STARD13: variants seen among roughly 807,000 people sequenced by gnomAD.
STARD13 encodes the protein stAR-related lipid transfer protein 13.
Under a neutral mutation model 106.4 loss-of-function variants are expected in STARD13, and 62 were observed. That is an observed-to-expected ratio of 0.58 (90% CI 0.48 to 0.72). STARD13 has a LOEUF of 0.72. Ranked by LOEUF, STARD13 falls within the 30% of genes least tolerant of loss-of-function variation. The probability of loss-of-function intolerance (pLI) is 0.00; values close to 1 mark genes in which losing one functional copy is unlikely to be tolerated. For synonymous variants in STARD13, 565 were observed against 553.0 expected (o/e 1.02, Z -0.31); for missense variants, 1,387 against 1,424.0 (o/e 0.97, Z 0.42).
intron 1 of STARD13, among the ~76,000 whole-genome samples, chr13:33,172,673 G>A (rs571503909): frequency 9.9e-5 from 15 of 152,242 alleles, no homozygotes; most frequent in African/African-American, 3.4e-4. Context: ...TTTGTTTTAC[G>A]TTTTTCTCAG....
At chr13:33,509,650 G>A in the STARD13 span, among the ~76,000 whole-genome samples, 1 of 152,152 alleles carries the variant, frequency 6.6e-6, no homozygotes, top group Non-Finnish European at 1.5e-5. Context: ...AGGCTGATGG[G>A]CCATGACTCC....
At chr13:33,644,602 G>A in the STARD13 span, among the ~76,000 whole-genome samples, 6 of 152,158 alleles carry the variant, frequency 3.9e-5, no homozygotes, top group Non-Finnish European at 8.8e-5. Context: ...GGCGTCATGC[G>A]GCCATGAAAG....
At chr13:33,268,099 C>G (rs1383550198) in intron 1 of STARD13, among the ~76,000 whole-genome samples, 1 of 152,204 alleles carries the variant, frequency 6.6e-6, no homozygotes, top group Admixed American at 6.5e-5. Flanking sequence ...AGATGAAGTT[C>G]ATACACTGGA....
chr13:33,490,850 G>A, the STARD13 span, among the ~76,000 whole-genome samples: 1 of 152,240 alleles, frequency 6.6e-6, no homozygotes, highest in Admixed American at 6.5e-5. Flanking sequence ...AGCTGAAAGA[G>A]CTTTGTAACA....
At chr13:33,188,119 A>G in intron 1 of STARD13, 1 of 152,166 alleles carries the variant, frequency 6.6e-6, no homozygotes. Context: ...AGGTGGGTGA[A>G]TCTGCCATGT....
At chr13:33,505,809 T>G in the STARD13 span, among the ~76,000 whole-genome samples, 1 of 152,150 alleles carries the variant, frequency 6.6e-6, no homozygotes, top group Admixed American at 6.6e-5. Context: ...CACAAATATA[T>G]TTATTTCAGT....
chr13:33,275,443 C>T (rs796185898), intron 1 of STARD13, among the ~76,000 whole-genome samples: 7 of 152,258 alleles, frequency 4.6e-5, no homozygotes, highest in African/African-American at 1.2e-4. Flanking sequence ...TATAGTCTCT[C>T]ATTTAATCCT....
the STARD13 span, among the ~76,000 whole-genome samples, chr13:33,466,502 T>A: frequency 6.6e-6 from 1 of 152,228 alleles, no homozygotes. Context: ...GATGGACGTA[T>A]AGTTCAGTAA....
At chr13:33,627,900 C>G in the STARD13 span, among the ~76,000 whole-genome samples, 1,772 of 152,122 alleles carry the variant, frequency 0.012, 38 homozygotes, top group African/African-American at 0.041. Flanking sequence ...TGGAGAAAGT[C>G]CCACCACTAT....
At chr13:33,327,248 GA>G (rs1285657051) in intron 1 of STARD13, among the ~76,000 whole-genome samples, 8 of 152,164 alleles carry the variant, frequency 5.3e-5, no homozygotes, top group Non-Finnish European at 1.0e-4. Context: ...AAGTTCTCTT[GA>G]GAGACGATAT....
At chr13:33,672,194 A>C in the STARD13 span, among the ~76,000 whole-genome samples, 1 of 152,234 alleles carries the variant, frequency 6.6e-6, no homozygotes, top group African/African-American at 2.4e-5. Context: ...CATAAAAAAG[A>C]ATGGGTTCAT....
At chr13:33,311,179 C>T (rs1893124286) in intron 1 of STARD13, among the ~76,000 whole-genome samples, 2 of 151,110 alleles carry the variant, frequency 1.3e-5, no homozygotes, top group South Asian at 4.2e-4. Flanking sequence ...CACCTGTGGT[C>T]CCAGCTACTC....
chr13:33,666,862 G>A, the STARD13 span, among the ~76,000 whole-genome samples: 1 of 152,206 alleles, frequency 6.6e-6, no homozygotes, highest in Non-Finnish European at 1.5e-5. Context: ...AAAGTGCTGG[G>A]ATTACAGGCG....
At chr13:33,661,460 A>G in the STARD13 span, 7 of 152,308 alleles carry the variant, frequency 4.6e-5, no homozygotes, top group African/African-American at 1.7e-4. Flanking sequence ...TAGGTACTCT[A>G]CTGGTGTATG....
At chr13:33,628,188 CACA>C in the STARD13 span, among the ~76,000 whole-genome samples, 1,872 of 141,624 alleles carry the variant, frequency 0.013, 32 homozygotes, top group African/African-American at 0.052. Flanking sequence ...CACACACACA[CACA>C]CCACATGCAT....
At chr13:33,189,731 A>T (rs139562045) in intron 1 of STARD13, among the ~76,000 whole-genome samples, 1 of 151,750 alleles carries the variant, frequency 6.6e-6, no homozygotes, top group Non-Finnish European at 1.5e-5. Context: ...ATCTAAGTAC[A>T]GTTTTCTGCT....
At chr13:33,186,028 T>G (rs200113292) in intron 1 of STARD13, 1 of 1,613,846 alleles carries the variant, frequency 6.2e-7, no homozygotes, top group South Asian at 1.1e-5. Flanking sequence ...AGCATGGAGG[T>G]TCAAAGAAAT....
chr13:33,528,226 G>GTGTATATATATATATATATA, the STARD13 span, among the ~76,000 whole-genome samples: 2 of 101,024 alleles, frequency 2.0e-5, no homozygotes, highest in Admixed American at 1.0e-4. Context: ...GTGTGTGTGT[G>GTGTATATATATATATATATA]TATATATATA....
At chr13:33,658,181 C>T in the STARD13 span, 1 of 154,154 alleles carries the variant, frequency 6.5e-6, no homozygotes, top group Non-Finnish European at 1.4e-5. Flanking sequence ...TTGTGTCTGG[C>T]TTATTTCACT....
Sources: allele counts gnomAD v4.1 joint callset (sites outside exome capture counted in the v4.1 genomes callset), GRCh38; gene constraint gnomAD v4.1.1; transcripts MANE v1.5; gene names NCBI Gene and HGNC (gene_info 2026-07-23, HGNC 2026-07-21).